SLC12A7: variants seen among roughly 807,000 people sequenced by gnomAD.
SLC12A7 encodes K-Cl cotransporter 4.
SLC12A7 carries 100 observed loss-of-function variants against 120.6 expected under a neutral mutation model. The observed-to-expected ratio is 0.83, with a 90% CI of 0.71 to 0.98. The LOEUF is 0.98. SLC12A7 is among the 50% of genes least tolerant of loss of function. The pLI, the probability that SLC12A7 is intolerant of heterozygous loss-of-function variation, is 0.00. For synonymous variants in SLC12A7, 760 were observed against 678.0 expected, an observed-to-expected ratio of 1.12 and a Z score of -1.88; for missense variants, 1,373 against 1,548.1, an observed-to-expected ratio of 0.89 and a Z score of 1.90.
At chr5:1,109,184 C>G (rs1742796356) in intron 1 of SLC12A7, among the ~76,000 whole-genome samples, 1 of 152,180 alleles carries the variant, frequency 6.6e-6, no homozygotes, top group South Asian at 2.1e-4. Context: ...TCCAGACAGG[C>G]CGGGGCACTG....
the SLC12A7 span, among the ~76,000 whole-genome samples, chr5:1,140,987 G>C: frequency 6.6e-6 from 1 of 152,222 alleles, no homozygotes; most frequent in South Asian, 2.1e-4. Context: ...CTGAGGGGGA[G>C]GGTGGACACG....
chr5:1,146,046 G>A, the SLC12A7 span, among the ~76,000 whole-genome samples: 5 of 152,036 alleles, frequency 3.3e-5, no homozygotes, highest in African/African-American at 9.7e-5. The surrounding 1 kb of genome is among the most constrained non-coding windows in gnomAD (Gnocchi z 6.5). Flanking sequence ...GGCAGTCCCC[G>A]TTCTGCCTCC....
At position 1,078,006 on chromosome 5, in the gene SLC12A7, A is replaced by G. The variant is rs1240476816; in HGVS notation, c.1456T>C (p.Phe486Leu). 1 of 1,559,306 alleles carries G rather than the reference A, an allele frequency of 6.4e-7. No homozygotes were observed. The highest frequency in any genetic ancestry group is 1.2e-5 in the South Asian group (1 of 84,688). The change falls in exon 12 of 24, where the codon TTC becomes CTC. Residue 486 changes from phenylalanine (F) to leucine (L), a missense_variant and splice_region_variant. Phe to Leu is a conservative substitution (Grantham distance 22, BLOSUM62 0). Transcript: ENST00000264930. ...CIEGVVLRDK[F>L]GEALQGNLVI... ...AGGTTCCCCTGCAGGGCCTCCCCGA[A>G]CCTGCAGGCAGGCGGGCAGGCGGGC...
chr5:1,118,454 G>C, the SLC12A7 span, among the ~76,000 whole-genome samples: 2 of 152,246 alleles, frequency 1.3e-5, no homozygotes, highest in Non-Finnish European at 2.9e-5. Flanking sequence ...ATCCAGACCC[G>C]GCAGAAGAGT....
At chr5:1,077,765 T>C in intron 12 of SLC12A7, 68 bp downstream of exon 12, 1 of 1,440,212 alleles carries the variant, frequency 6.9e-7, no homozygotes, top group East Asian at 2.5e-5. Flanking sequence ...ACTGTGAGGA[T>C]CCCGCAGGGG....
rs549911960 is a variant in SLC12A7, at chr5:1,076,691, C to G, written c.1748+3G>C. On this transcript the variant is annotated splice_donor_region_variant and intron_variant, in intron 13 of 23. Coordinates refer to ENST00000264930, the MANE Select transcript of SLC12A7 (RefSeq NM_006598.3). ...CCCAGGTCCCCGTCCTGTGGGGGCT[C>G]ACATGGAGAGGATCGGGGCCACGCT... The G allele has an allele frequency of 6.2e-7, 1 of 1,607,284 alleles. No individual in the cohort carries two copies. The highest frequency in any genetic ancestry group is 1.7e-5 in the Admixed American group (1 of 59,996).
At chr5:1,073,853 G>A (rs1738008347) in intron 16 of SLC12A7, 52 bp from the exon 17 acceptor site, 1 of 1,340,614 alleles carries the variant, frequency 7.5e-7, no homozygotes. Flanking sequence ...CCAGGGCACG[G>A]CCCATCAACA....
At chr5:1,135,553 T>C in the SLC12A7 span, among the ~76,000 whole-genome samples, 2 of 152,164 alleles carry the variant, frequency 1.3e-5, no homozygotes, top group South Asian at 2.1e-4. Flanking sequence ...GGTCCCAGGG[T>C]TGAAGTCGCC....
intron 1 of SLC12A7, among the ~76,000 whole-genome samples, chr5:1,096,801 GAGGGAAGGAAGGAGGGA>G (rs1741254629): frequency 4.1e-4 from 23 of 56,238 alleles, no homozygotes; most frequent in Non-Finnish European, 5.8e-4. Context: ...AGGAAGGAGG[GAGGGAAGGAAGGAGGGA>G]AGGGAGGGAA....
intron 9 of SLC12A7, among the ~76,000 whole-genome samples, 190 bp from the exon 10 acceptor site, chr5:1,079,686 G>A (rs1738788566): frequency 1.3e-5 from 2 of 152,290 alleles, no homozygotes; most frequent in African/African-American, 2.4e-5. Flanking sequence ...GCCCAGGCAC[G>A]CGGATGAGCA....
chr5:1,129,163 G>A, the SLC12A7 span, among the ~76,000 whole-genome samples: 1 of 152,148 alleles, frequency 6.6e-6, no homozygotes, highest in Non-Finnish European at 1.5e-5. Context: ...GGACAGCCAC[G>A]TCTCTCCTAG....
Position 1,063,644 on chromosome 5 carries a change from CCCCTCCACCCCCA to C in SLC12A7, c.2739+187_2739+199del, listed in dbSNP as rs1283798337. ...ACCTCCACCTCCACCTCCTGATCTC[CCCCTCCACCCCCA>C]CCTCACGAGGCCACAGCCCTCCCGA... On this transcript the variant is annotated intron_variant, in intron 20 of 23. Coordinates refer to ENST00000264930, the MANE Select transcript of SLC12A7 (RefSeq NM_006598.3). Among the ~76,000 whole-genome samples, 63 of 81,026 alleles carry C rather than the reference CCCCTCCACCCCCA, an allele frequency of 7.8e-4. 1 individual carries two copies. Among genetic ancestry groups the C allele is most frequent in the African/African-American group, 2.8e-3 (62 of 22,390 alleles). The allele number at this position is 81,026 out of a possible 152,430, so 53.2% of individuals were successfully genotyped here.
the SLC12A7 span, among the ~76,000 whole-genome samples, chr5:1,149,316 C>T: frequency 6.6e-6 from 1 of 152,356 alleles, no homozygotes; most frequent in South Asian, 2.1e-4. Flanking sequence ...GCGGCTCACA[C>T]CTGTAATCCC....
At chr5:1,110,913 G>C (rs963723298) in intron 1 of SLC12A7, among the ~76,000 whole-genome samples, 2 of 152,208 alleles carry the variant, frequency 1.3e-5, no homozygotes, top group Non-Finnish European at 2.9e-5. Flanking sequence ...TGCCTGGAGG[G>C]GATGTCTGGC....
intron 1 of SLC12A7, among the ~76,000 whole-genome samples, chr5:1,109,222 G>C (rs1742800435): frequency 1.3e-5 from 2 of 152,092 alleles, no homozygotes; most frequent in African/African-American, 4.8e-5. Context: ...ACCCCTCCCA[G>C]GGTCTCCGAG....
chr5:1,091,739 C>T (rs1021879043), intron 3 of SLC12A7, among the ~76,000 whole-genome samples: 4 of 151,792 alleles, frequency 2.6e-5, no homozygotes, highest in African/African-American at 9.7e-5. Flanking sequence ...ACGTGCGGCA[C>T]GGCAATACCC....
intron 17 of SLC12A7, among the ~76,000 whole-genome samples, chr5:1,069,959 G>A (rs1191046151): frequency 6.6e-6 from 1 of 152,026 alleles, no homozygotes; most frequent in African/African-American, 2.4e-5. Context: ...TGAGTGGGCA[G>A]AAATTCAGCA....
chr5:1,148,745 G>A, the SLC12A7 span, among the ~76,000 whole-genome samples: 8 of 152,340 alleles, frequency 5.3e-5, no homozygotes, highest in Admixed American at 3.3e-4. Context: ...GTTCCCTCAG[G>A]TTCCTTGTTG....
Position 1,083,832 on chromosome 5 carries a change from G to C in SLC12A7, c.1042C>G (p.Pro348Ala). 1 of 1,609,046 alleles carries C rather than the reference G, an allele frequency of 6.2e-7. No individual in the cohort carries two copies. Among genetic ancestry groups the C allele is most frequent in the Non-Finnish European group, 8.5e-7 (1 of 1,177,516 alleles). ...AAGTACTCGTCACAGGCGGCGCTGG[G>C]CTGGGAGCCGTTGCAGAAGAGGCCC... ...LWGLFCNGSQ[P>A]SAACDEYFIQ... The change falls in exon 8 of 24, where the codon CCC (proline) becomes GCC (alanine). Residue 348 changes from proline (P) to alanine (A), a missense_variant. Physicochemically the swap from Pro to Ala is conservative, Grantham distance 27 (BLOSUM62 -1). Coordinates refer to ENST00000264930, the MANE Select transcript of SLC12A7 (RefSeq NM_006598.3).
Sources: gnomAD v4.1 joint callset for allele counts (sites outside exome capture counted in the v4.1 genomes callset) on GRCh38, gnomAD v4.1.1 for gene constraint, Gnocchi (gnomAD v3.1) non-coding constraint, MANE v1.5 for transcripts, NCBI Gene and HGNC (gene_info 2026-07-23, HGNC 2026-07-21) for gene names.